The following SORCS3 variants were observed in gnomAD, a reference collection of about 807,000 sequenced individuals.
SORCS3 encodes sortilin related VPS10 domain containing receptor 3.
A neutral mutation model predicts 146.3 loss-of-function variants in SORCS3; 57 were observed. The observed-to-expected ratio is 0.39, with a 90% CI of 0.31 to 0.49. The LOEUF is 0.49. Ranked by LOEUF, SORCS3 falls within the 20% of genes least tolerant of loss-of-function variation. The probability of loss-of-function intolerance (pLI) is 0.92; values close to 1 mark genes in which losing one functional copy is unlikely to be tolerated. For synonymous variants in SORCS3, 653 were observed against 618.5 expected (o/e 1.06, Z -0.83); for missense variants, 1,341 against 1,575.5 (o/e 0.85, Z 2.52).
intron 25 of SORCS3, among the ~76,000 whole-genome samples, chr10:105,258,295 G>C (rs1436949651): frequency 2.0e-5 from 3 of 152,106 alleles, no homozygotes; most frequent in African/African-American, 4.8e-5. Flanking sequence ...CCCTTTGAAG[G>C]GTGGATAAAA....
chr10:105,205,955 A>G (rs1019557775), intron 16 of SORCS3, among the ~76,000 whole-genome samples: 2 of 152,192 alleles, frequency 1.3e-5, no homozygotes, highest in African/African-American at 2.4e-5. Context: ...TCCATGTCCC[A>G]TATGGCACTA....
At chr10:105,137,170 C>T (rs2056064443) in intron 7 of SORCS3, among the ~76,000 whole-genome samples, 1 of 152,094 alleles carries the variant, frequency 6.6e-6, no homozygotes, top group African/African-American at 2.4e-5. Context: ...AGGAGAAGCC[C>T]CTTTTAATTG....
intron 1 of SORCS3, among the ~76,000 whole-genome samples, chr10:104,667,107 G>A (rs1427628128): frequency 6.6e-6 from 1 of 152,172 alleles, no homozygotes; most frequent in Admixed American, 6.5e-5. Context: ...GAACAGACAT[G>A]ATGCTTTCAG....
intron 2 of SORCS3, among the ~76,000 whole-genome samples, chr10:104,846,865 C>T (rs912846219): frequency 6.6e-6 from 1 of 152,188 alleles, no homozygotes; most frequent in Non-Finnish European, 1.5e-5. Flanking sequence ...CCAGGGCTTT[C>T]CCTGAGTTAC....
chr10:104,728,568 G>A (rs2016669044), intron 1 of SORCS3, among the ~76,000 whole-genome samples: 1 of 152,184 alleles, frequency 6.6e-6, no homozygotes, highest in Admixed American at 6.5e-5. Context: ...TCAGGACAAA[G>A]ACCTGGGGAT....
intron 1 of SORCS3, among the ~76,000 whole-genome samples, chr10:104,705,418 C>A (rs143719675): frequency 1.3e-5 from 2 of 152,178 alleles, no homozygotes; most frequent in African/African-American, 4.8e-5. Context: ...ACTTTTCCCA[C>A]TCACACCGAA....
chr10:105,247,867 T>A (rs190602029), intron 22 of SORCS3, among the ~76,000 whole-genome samples: 6 of 152,338 alleles, frequency 3.9e-5, no homozygotes, highest in African/African-American at 1.4e-4. Context: ...ATGTTTATTA[T>A]GAATTTGTTT....
intron 1 of SORCS3, among the ~76,000 whole-genome samples, chr10:104,697,905 G>C (rs529644683): frequency 1.0e-3 from 154 of 152,292 alleles, no homozygotes; most frequent in Non-Finnish European, 1.6e-3. Context: ...AGGCTATTCA[G>C]CATATTCATG....
chr10:104,858,146 T>C (rs1435607746), intron 2 of SORCS3, among the ~76,000 whole-genome samples: 3 of 152,302 alleles, frequency 2.0e-5, no homozygotes, highest in Non-Finnish European at 2.9e-5. Flanking sequence ...GTGTAATAAT[T>C]TTACTAATAA....
chr10:104,879,956 G>C (rs2018614867), intron 2 of SORCS3, among the ~76,000 whole-genome samples: 1 of 152,280 alleles, frequency 6.6e-6, no homozygotes, highest in Non-Finnish European at 1.5e-5. Flanking sequence ...GATGGGATTG[G>C]GGTGGTGGAG....
intron 16 of SORCS3, among the ~76,000 whole-genome samples, chr10:105,207,102 C>T (rs2056606827): frequency 6.6e-6 from 1 of 152,096 alleles, no homozygotes; most frequent in Admixed American, 6.6e-5. Flanking sequence ...TGGGATTGGA[C>T]TCATGCTGAA....
At chr10:105,157,660 A>G (rs1365513646) in intron 10 of SORCS3, among the ~76,000 whole-genome samples, 2 of 152,174 alleles carry the variant, frequency 1.3e-5, no homozygotes, top group Admixed American at 6.5e-5. Context: ...GAGGCAAGCA[A>G]AAGTTGCTTT....
chr10:105,021,726 C>T (rs2055199412), intron 4 of SORCS3, among the ~76,000 whole-genome samples: 1 of 152,186 alleles, frequency 6.6e-6, no homozygotes, highest in East Asian at 1.9e-4. Context: ...AAGCCACCAG[C>T]TTTCATCTGT....
intron 3 of SORCS3, among the ~76,000 whole-genome samples, chr10:104,939,533 CA>C (rs34754323): frequency 0.49 from 74,796 of 152,020 alleles, 22,137 homozygotes; most frequent in African/African-American, 0.84. Flanking sequence ...AGAGAACGTC[CA>C]AATGGGTCTG....
At chr10:104,924,411 G>A (rs12765671) in intron 3 of SORCS3, among the ~76,000 whole-genome samples, 2,240 of 152,284 alleles carry the variant, frequency 0.015, 31 homozygotes, top group Non-Finnish European at 0.025. Context: ...AGCATTCCAC[G>A]TCGGTCCTGC....
At chr10:105,171,129 C>T (rs1186770294) in intron 13 of SORCS3, among the ~76,000 whole-genome samples, 1 of 152,090 alleles carries the variant, frequency 6.6e-6, no homozygotes, top group Non-Finnish European at 1.5e-5. Context: ...GCTACATCAC[C>T]TTTAAGAGAA....
chr10:105,167,451 T>C, intron 13 of SORCS3, 102 bp downstream of exon 13: 1 of 787,400 alleles, frequency 1.3e-6, no homozygotes, highest in Non-Finnish European at 2.1e-6. Context: ...ATTTGTACAT[T>C]TCCTCATCCA....
intron 2 of SORCS3, among the ~76,000 whole-genome samples, chr10:104,854,153 A>G (rs888602750): frequency 4.6e-5 from 7 of 152,210 alleles, no homozygotes; most frequent in African/African-American, 1.4e-4. Context: ...CCTGAACCTT[A>G]GACAATGTAC....
At chr10:104,700,801 G>A (rs1035022257) in intron 1 of SORCS3, among the ~76,000 whole-genome samples, 1 of 152,174 alleles carries the variant, frequency 6.6e-6, no homozygotes, top group East Asian at 1.9e-4. Flanking sequence ...CAGGGGCTCA[G>A]CCTTAGCCTG....
Sources: allele counts gnomAD v4.1 joint callset (sites outside exome capture counted in the v4.1 genomes callset), GRCh38; gene constraint gnomAD v4.1.1; transcripts MANE v1.5; gene names NCBI Gene and HGNC (gene_info 2026-07-23, HGNC 2026-07-21).